Variants in P3H2 observed in about 807,000 individuals in gnomAD.
P3H2 encodes prolyl 3-hydroxylase 2.
A neutral mutation model predicts 87.0 loss-of-function variants in P3H2; 80 were observed. The ratio of observed to expected loss-of-function variants is 0.92; its 90% CI spans 0.77 to 1.11. The LOEUF (loss-of-function observed/expected upper bound fraction) is 1.11, where lower values mean the gene tolerates loss of function less well. P3H2 is among the 50% of genes least tolerant of loss of function. P3H2 has a pLI of 0.00. For missense variants in P3H2, 1,001 were observed against 923.9 expected (o/e 1.08, Z -1.08); for synonymous variants, 367 against 359.3 (o/e 1.02, Z -0.24).
intron 8 of P3H2, among the ~76,000 whole-genome samples, chr3:189,980,860 A>C (rs1284324349): frequency 6.6e-6 from 1 of 152,220 alleles, no homozygotes; most frequent in Non-Finnish European, 1.5e-5. Flanking sequence ...AAAAAGATTC[A>C]GAATGGGGCT....
In P3H2 at chr3:190,120,273, G is replaced by T. The variant is rs749978643; in HGVS notation, c.459C>A (p.Tyr153Ter). ...GTACCTTGATGTAGGCCCGCTGCAG[G>T]TAGTTGTAGGGCACTCTGCGCTGGA... Reference protein sequence around the residue: ...SDFQRRVPYNYLQRAYIKLNQ... With the variant: ...SDFQRRVPYN Residue 153 changes from tyrosine (Y) to a stop codon, truncating the protein, a stop_gained, in exon 1 of 15, where the codon TAC (tyrosine) becomes TAA (stop). Coordinates refer to ENST00000319332, the MANE Select transcript of P3H2 (RefSeq NM_018192.4). LOFTEE classifies it high-confidence loss of function. The T allele has an allele frequency of 5.6e-6, 9 of 1,611,294 alleles. No individual in the cohort carries two copies. The South Asian group carries it at 8.8e-5, about 16-fold the overall frequency.
chr3:190,018,962 T>C (rs1187064552), intron 1 of P3H2, among the ~76,000 whole-genome samples: 2 of 152,208 alleles, frequency 1.3e-5, no homozygotes, highest in Non-Finnish European at 2.9e-5. Context: ...CAGAAATACA[T>C]GCAGAAATCT....
intron 7 of P3H2, among the ~76,000 whole-genome samples, chr3:189,984,153 A>G (rs1723619922): frequency 2.0e-5 from 3 of 152,214 alleles, no homozygotes; most frequent in African/African-American, 7.2e-5. Context: ...TAGCTATTTT[A>G]GTATAACTTT....
intron 1 of P3H2, among the ~76,000 whole-genome samples, chr3:190,016,812 T>TAG (rs1419203488): frequency 1.3e-5 from 2 of 152,172 alleles, no homozygotes; most frequent in African/African-American, 4.8e-5. Context: ...TTGCACGCAT[T>TAG]CAGCAACAGG....
At chr3:190,052,565 T>A (rs943214198) in intron 1 of P3H2, among the ~76,000 whole-genome samples, 1 of 152,012 alleles carries the variant, frequency 6.6e-6, no homozygotes, top group Admixed American at 6.6e-5. Flanking sequence ...ATGAAGTAAG[T>A]AATATTATAT....
At chr3:190,067,998 CATATG>C (rs1726569246) in intron 1 of P3H2, among the ~76,000 whole-genome samples, 1 of 151,940 alleles carries the variant, frequency 6.6e-6, no homozygotes, top group African/African-American at 2.4e-5. Context: ...TTAGATTTTT[CATATG>C]ATAACAATAA....
At chr3:189,980,221 T>A (rs1197093746) in intron 8 of P3H2, among the ~76,000 whole-genome samples, 1 of 152,160 alleles carries the variant, frequency 6.6e-6, no homozygotes, top group Non-Finnish European at 1.5e-5. Flanking sequence ...TGAAGTATAC[T>A]CTATTCTGCG....
At chr3:190,105,558 T>G (rs759691443) in intron 1 of P3H2, among the ~76,000 whole-genome samples, 1 of 152,208 alleles carries the variant, frequency 6.6e-6, no homozygotes, top group Non-Finnish European at 1.5e-5. Flanking sequence ...TAACTTCCTT[T>G]CAAGTTTTAC....
chr3:189,969,464 C>A, intron 13 of P3H2: 1 of 902,352 alleles, frequency 1.1e-6, no homozygotes, highest in South Asian at 1.3e-5. Flanking sequence ...GCACACTCCT[C>A]TAGCACAACA....
chr3:189,974,913 C>T (rs530499139), intron 8 of P3H2, among the ~76,000 whole-genome samples: 27 of 152,294 alleles, frequency 1.8e-4, no homozygotes, highest in Admixed American at 1.7e-3. Flanking sequence ...TACATGCGTA[C>T]ATTATTTTGG....
At chr3:190,002,067 C>G (rs1394510269) in intron 1 of P3H2, among the ~76,000 whole-genome samples, 1 of 152,006 alleles carries the variant, frequency 6.6e-6, no homozygotes, top group Non-Finnish European at 1.5e-5. Context: ...TTAGGACATT[C>G]CTAAACATTT....
intron 1 of P3H2, among the ~76,000 whole-genome samples, chr3:190,104,845 T>C (rs1711769357): frequency 6.6e-6 from 1 of 152,218 alleles, no homozygotes; most frequent in Non-Finnish European, 1.5e-5. Flanking sequence ...ATATTATTAC[T>C]GCTAAATATT....
chr3:190,060,273 A>G (rs1726293093), intron 1 of P3H2, among the ~76,000 whole-genome samples: 1 of 152,180 alleles, frequency 6.6e-6, no homozygotes, highest in Non-Finnish European at 1.5e-5. Flanking sequence ...TTAACGAAGT[A>G]TTTGGCTAAA....
intron 5 of P3H2, 112 bp downstream of exon 5, chr3:189,987,415 G>T: frequency 1.6e-6 from 2 of 1,263,486 alleles, no homozygotes; most frequent in Non-Finnish European, 2.2e-6. Flanking sequence ...GGAGGCGGAG[G>T]TTGCGGTGAG....
chr3:190,108,348 A>T (rs1711931249), intron 1 of P3H2, among the ~76,000 whole-genome samples: 1 of 152,162 alleles, frequency 6.6e-6, no homozygotes, highest in Non-Finnish European at 1.5e-5. Context: ...TACCTGTTAT[A>T]TCAGTAGTAA....
At chr3:190,098,968 G>A (rs1189184976) in intron 1 of P3H2, among the ~76,000 whole-genome samples, 2 of 151,964 alleles carry the variant, frequency 1.3e-5, no homozygotes, top group Non-Finnish European at 2.9e-5. Context: ...TTGATACAAC[G>A]CTGTTTACTT....
intron 1 of P3H2, among the ~76,000 whole-genome samples, chr3:190,024,011 T>C (rs1037725963): frequency 2.0e-5 from 3 of 152,210 alleles, no homozygotes; most frequent in African/African-American, 7.2e-5. Flanking sequence ...CTGTAAAATA[T>C]AAACATATGT....
At chr3:190,059,348 T>C (rs138464083) in intron 1 of P3H2, among the ~76,000 whole-genome samples, 438 of 152,142 alleles carry the variant, frequency 2.9e-3, no homozygotes, top group Non-Finnish European at 5.0e-3. Flanking sequence ...GATAGTCTCA[T>C]GAGTAAGAGA....
chr3:190,056,249 G>A (rs866704052), intron 1 of P3H2, among the ~76,000 whole-genome samples: 10 of 152,286 alleles, frequency 6.6e-5, no homozygotes, highest in African/African-American at 2.2e-4. Context: ...AAAAATAAAT[G>A]TCTGTTGTTC....
Sources: allele counts gnomAD v4.1 joint callset (sites outside exome capture counted in the v4.1 genomes callset), GRCh38; gene constraint gnomAD v4.1.1; transcripts MANE v1.5; gene names NCBI Gene and HGNC (gene_info 2026-07-23, HGNC 2026-07-21).